Variants in PABIR2 observed in about 807,000 individuals in gnomAD.
PABIR2 encodes PABIR family member 2.
Under a neutral mutation model 22.8 loss-of-function variants are expected in PABIR2, and 7 were observed. The ratio of observed to expected loss-of-function variants is 0.31; its 90% CI spans 0.17 to 0.58. PABIR2 has a LOEUF of 0.58. Ranked by LOEUF, PABIR2 falls within the 20% of genes least tolerant of loss-of-function variation. PABIR2 has a pLI of 0.89. For missense variants in PABIR2, 155 were observed against 205.1 expected, an observed-to-expected ratio of 0.76 and a Z score of 1.49; for synonymous variants, 67 against 73.8, an observed-to-expected ratio of 0.91 and a Z score of 0.47.
chrX:134,787,244 C>T (rs188647197), intron 7 of PABIR2, among the ~76,000 whole-genome samples: 155 of 108,523 alleles, frequency 1.4e-3, no homozygotes, highest in African/African-American at 4.9e-3. Flanking sequence ...GGATTACAGG[C>T]GCCTGCCACC....
intron 2 of PABIR2, chrX:134,791,585 G>T (rs916337690): frequency 6.1e-6 from 2 of 325,377 alleles, no homozygotes; most frequent in African/African-American, 5.4e-5. Context: ...AAGATAGAGA[G>T]GAGATGATAG....
In PABIR2 at chrX:134,772,210, C is replaced by A. The variant is rs200931503; in HGVS notation, c.733G>T (p.Ala245Ser). 7.5e-6 allele frequency: 9 copies of A among 1,205,427 alleles called. No individual in the cohort carries two copies. In the East Asian group the frequency reaches 2.1e-4, roughly 28 times the overall value. The change falls in exon 10 of 10, where the codon GCA (alanine) becomes TCA (serine). Residue 245 changes from alanine to serine, a missense_variant. By Grantham distance (99) the Ala-to-Ser change is moderately conservative. Coordinates refer to ENST00000343004, the MANE Select transcript of PABIR2 (RefSeq NM_001387468.1). ...TTGGAGCATGCTACTGGAGACTCTG[C>A]GGTAGCGCTGCCTTTAGCCAGCGGG... ...SDPLAKGSAT[A>S]ESPVACSNSC...
chrX:134,774,000 T>C (rs1014242792), intron 9 of PABIR2, among the ~76,000 whole-genome samples: 1 of 111,601 alleles, frequency 9.0e-6, no homozygotes, highest in African/African-American at 3.3e-5. Context: ...TTGTGGATTG[T>C]TTTTAGATGG....
chrX:134,777,163 G>A (rs1569422769), intron 9 of PABIR2, among the ~76,000 whole-genome samples: 1 of 112,152 alleles, frequency 8.9e-6, no homozygotes, highest in Non-Finnish European at 1.9e-5. Flanking sequence ...CCAGAACACA[G>A]CTGATTCCTA....
intron 7 of PABIR2, among the ~76,000 whole-genome samples, 167 bp from the exon 8 acceptor site, chrX:134,786,117 A>G (rs759333257): frequency 3.5e-5 from 4 of 112,729 alleles, no homozygotes; most frequent in African/African-American, 1.3e-4. Context: ...GATTTGAACC[A>G]GCATATGGCA....
At position 134,796,229 on chromosome X, in the gene PABIR2, C is replaced by A. The variant is rs1372750376; in HGVS notation, c.-24G>T. ...ATGTCAGACTTGCAGGCAGGCACAGCGGGCAGTGCTCAGCTCCTGGTGCTT... is the reference window on the plus strand; with the variant it reads ...ATGTCAGACTTGCAGGCAGGCACAGAGGGCAGTGCTCAGCTCCTGGTGCTT... On this transcript the variant is annotated 5_prime_UTR_variant, in exon 1 of 10. Transcript: ENST00000343004. 1.7e-6 allele frequency: 2 copies of A among 1,151,054 alleles called. No individual in the cohort carries two copies. Among genetic ancestry groups the A allele is most frequent in the Non-Finnish European group, 1.2e-6 (1 of 846,343 alleles). 94.9% of individuals were successfully genotyped at this position (1,151,054 alleles called of 1,213,427 possible). A position where few individuals can be genotyped will look rare whatever the true frequency, so the allele number is the denominator to read the frequency against.
chrX:134,777,885 G>GTTTTTTT (rs1246080322), intron 9 of PABIR2, among the ~76,000 whole-genome samples: 1 of 80,204 alleles, frequency 1.2e-5, no homozygotes, highest in Non-Finnish European at 2.4e-5. Flanking sequence ...TGTTTGGTTG[G>GTTTTTTT]TTTTTTTTTT....
intron 7 of PABIR2, 27 bp from the exon 8 acceptor site, chrX:134,785,977 T>C (rs761638349): frequency 1.1e-5 from 13 of 1,183,570 alleles, no homozygotes; most frequent in Admixed American, 6.6e-5. Flanking sequence ...AACAGGATAA[T>C]GTGAAGAACA....
chrX:134,775,518 CAA>C (rs773542327), intron 9 of PABIR2, among the ~76,000 whole-genome samples: 2 of 25,236 alleles, frequency 7.9e-5, no homozygotes, highest in African/African-American at 1.5e-4. Flanking sequence ...GACTCCGTCT[CAA>C]AAAAAAAAAA....
intron 1 of PABIR2, among the ~76,000 whole-genome samples, chrX:134,794,974 G>C (rs1400771052): frequency 8.9e-6 from 1 of 111,974 alleles, no homozygotes; most frequent in African/African-American, 3.2e-5. Flanking sequence ...GTATGTTTTT[G>C]CTACAATAGT....
intron 9 of PABIR2, among the ~76,000 whole-genome samples, chrX:134,777,011 G>C (rs143602817): frequency 4.5e-5 from 5 of 112,308 alleles, no homozygotes; most frequent in Admixed American, 1.9e-4. Context: ...ACCACTTTGT[G>C]TCTTGTTCAG....
chrX:134,787,020 T>C (rs182507938), intron 7 of PABIR2, among the ~76,000 whole-genome samples: 2 of 110,983 alleles, frequency 1.8e-5, no homozygotes, highest in Non-Finnish European at 3.8e-5. Context: ...AGTGGGTATA[T>C]GGTTGTTCAC....
At chrX:134,793,598 A>T (rs1181188476) in intron 2 of PABIR2, 1 of 495,813 alleles carries the variant, frequency 2.0e-6, no homozygotes, top group Admixed American at 2.7e-5. Context: ...GAACAATTTT[A>T]AAAAATACAA....
At chrX:134,793,211 T>C in intron 2 of PABIR2, among the ~76,000 whole-genome samples, 1 of 111,982 alleles carries the variant, frequency 8.9e-6, no homozygotes, top group South Asian at 3.7e-4. Flanking sequence ...GGATCTATCT[T>C]CTTTCACCTC....
intron 2 of PABIR2, chrX:134,791,796 G>T (rs1327896142): frequency 3.8e-6 from 1 of 265,116 alleles, no homozygotes; most frequent in Admixed American, 4.6e-5. Flanking sequence ...TTAAAAAAGT[G>T]AGAATACTGC....
chrX:134,771,614 C>T lies in PABIR2; in HGVS notation c.*525G>A. 1.1e-6 allele frequency: 1 copy of T among 874,038 alleles called. No homozygotes were observed. Among genetic ancestry groups the T allele is most frequent in the Non-Finnish European group, 1.4e-6 (1 of 715,538 alleles). The allele number at this position is 874,038 out of a possible 1,213,427, so 72.0% of individuals were successfully genotyped here. On this transcript the variant is annotated 3_prime_UTR_variant, in exon 10 of 10. Coordinates refer to ENST00000343004, the MANE Select transcript of PABIR2 (RefSeq NM_001387468.1). ...AAGCGGCTCAAACAGGAAAGGGAAA[C>T]AAAATAATGTACTTGAAGCTGATGC...
At chrX:134,788,025 A>G (rs2079394178) in intron 6 of PABIR2, among the ~76,000 whole-genome samples, 1 of 104,439 alleles carries the variant, frequency 9.6e-6, no homozygotes, top group Non-Finnish European at 1.9e-5. Flanking sequence ...ACTAAATTAC[A>G]TATATATATA....
At chrX:134,775,627 G>A (rs1403427311) in intron 9 of PABIR2, among the ~76,000 whole-genome samples, 2 of 109,638 alleles carry the variant, frequency 1.8e-5, no homozygotes, top group African/African-American at 6.6e-5. Flanking sequence ...CAATGATAAA[G>A]TAATAACAAA....
At chrX:134,794,714 C>A (rs1251663420) in intron 1 of PABIR2, among the ~76,000 whole-genome samples, 1 of 112,043 alleles carries the variant, frequency 8.9e-6, no homozygotes, top group Non-Finnish European at 1.9e-5. Context: ...GAGGGCGATG[C>A]CCACAATAAG....
Sources: allele counts gnomAD v4.1 joint callset (sites outside exome capture counted in the v4.1 genomes callset), GRCh38; gene constraint gnomAD v4.1.1; transcripts MANE v1.5; gene names NCBI Gene and HGNC (gene_info 2026-07-23, HGNC 2026-07-21).